VPS13B: variants seen among roughly 807,000 people sequenced by gnomAD.
The protein encoded by VPS13B is vacuolar protein sorting 13 homolog B.
Under a neutral mutation model 426.4 loss-of-function variants are expected in VPS13B, and 285 were observed. The ratio of observed to expected loss-of-function variants is 0.67; its 90% CI spans 0.61 to 0.74. The LOEUF (loss-of-function observed/expected upper bound fraction) is 0.74, where lower values mean the gene tolerates loss of function less well. Ranked by LOEUF, VPS13B falls within the 30% of genes least tolerant of loss-of-function variation. VPS13B has a pLI of 0.00. For synonymous variants in VPS13B, 1,676 were observed against 1,676.4 expected, an observed-to-expected ratio of 1.00 and a Z score of 0.01; for missense variants, 4,537 against 4,782.6, an observed-to-expected ratio of 0.95 and a Z score of 1.51.
chr8:99,403,600 A>G (rs1243332719), intron 21 of VPS13B, among the ~76,000 whole-genome samples: 1 of 152,016 alleles, frequency 6.6e-6, no homozygotes, highest in African/African-American at 2.4e-5. Flanking sequence ...TGACTGTCTT[A>G]AATCATGTGC....
rs141066626 is a variant in VPS13B, at chr8:99,861,699, G to A, written c.11045-77G>A. Reference sequence around the variant, plus strand: ...TCCAGGAGGGGCCACAGGTGCTCCCGCTGCCTCTGAAACTACTGCCTTGGG... The same window carrying A: ...TCCAGGAGGGGCCACAGGTGCTCCCACTGCCTCTGAAACTACTGCCTTGGG... On this transcript the variant is annotated intron_variant, in intron 57 of 61. Transcript: ENST00000357162. The A allele has an allele frequency of 5.3e-5, 82 of 1,541,696 alleles. 1 individual carries two copies. The African/African-American group carries it at 6.4e-4, about 12-fold the overall frequency.
At chr8:99,691,957 G>T (rs62534603) in intron 35 of VPS13B, among the ~76,000 whole-genome samples, 7 of 151,780 alleles carry the variant, frequency 4.6e-5, no homozygotes, top group South Asian at 2.1e-4. Context: ...GGCCATTACA[G>T]AATGGTAAAG....
At chr8:99,047,685 CCTTTT>C (rs1455644376) in intron 3 of VPS13B, among the ~76,000 whole-genome samples, 4 of 151,540 alleles carry the variant, frequency 2.6e-5, no homozygotes, top group Non-Finnish European at 4.4e-5. Context: ...TTCTTTCTTT[CCTTTT>C]CTTTTTTTTA....
chr8:99,725,904 G>A (rs1298244235), intron 39 of VPS13B, among the ~76,000 whole-genome samples: 1 of 152,134 alleles, frequency 6.6e-6, no homozygotes, highest in Non-Finnish European at 1.5e-5. Flanking sequence ...TAAATACAGA[G>A]ATATATTAAT....
intron 25 of VPS13B, among the ~76,000 whole-genome samples, chr8:99,489,561 T>A (rs1467072397): frequency 6.6e-6 from 1 of 152,222 alleles, no homozygotes. Context: ...CATTTGTTTG[T>A]GTCCTCTTTT....
intron 19 of VPS13B, among the ~76,000 whole-genome samples, chr8:99,378,442 A>T (rs1813617109): frequency 6.6e-6 from 1 of 152,182 alleles, no homozygotes; most frequent in Admixed American, 6.5e-5. Flanking sequence ...GCTTATGAAG[A>T]TGATGGGATT....
At chr8:99,664,444 T>C (rs977579022) in intron 35 of VPS13B, among the ~76,000 whole-genome samples, 1 of 151,990 alleles carries the variant, frequency 6.6e-6, no homozygotes. Context: ...ATTAGATATA[T>C]CTCCTAATGC....
At chr8:99,655,857 A>T (rs543092047) in intron 34 of VPS13B, among the ~76,000 whole-genome samples, 2 of 152,374 alleles carry the variant, frequency 1.3e-5, no homozygotes, top group South Asian at 2.1e-4. Flanking sequence ...ACTTAACTCT[A>T]TGAATGTTTG....
At chr8:99,056,083 AT>A (rs1843834800) in intron 3 of VPS13B, among the ~76,000 whole-genome samples, 1 of 150,078 alleles carries the variant, frequency 6.7e-6, no homozygotes, top group Non-Finnish European at 1.5e-5. Flanking sequence ...TTGAGACAGG[AT>A]TTTGCTCTGT....
intron 33 of VPS13B, among the ~76,000 whole-genome samples, chr8:99,621,952 C>T (rs969498172): frequency 6.6e-5 from 10 of 150,892 alleles, no homozygotes; most frequent in South Asian, 2.1e-4. Flanking sequence ...TCCTGTCTCA[C>T]GCTCCCGAGT....
intron 52 of VPS13B, among the ~76,000 whole-genome samples, chr8:99,833,829 A>G (rs954031362): frequency 3.3e-5 from 5 of 152,238 alleles, no homozygotes; most frequent in African/African-American, 9.6e-5. Context: ...ACCATACTTG[A>G]GTCCTGGCCC....
chr8:99,719,276 A>C (rs542133845), intron 37 of VPS13B, among the ~76,000 whole-genome samples: 2 of 152,360 alleles, frequency 1.3e-5, no homozygotes, highest in African/African-American at 4.8e-5. Context: ...AACAAAGTAC[A>C]GTGTATTACC....
chr8:99,553,240 C>G (rs956625031), intron 30 of VPS13B, among the ~76,000 whole-genome samples: 1 of 151,968 alleles, frequency 6.6e-6, no homozygotes, highest in Non-Finnish European at 1.5e-5. Flanking sequence ...TTCTGTTATT[C>G]TGTTATTGGT....
rs68156520 is a variant in VPS13B at position 99,832,259 on chromosome 8, CAAAAA to C, written c.9331-102_9331-98del. 5.4e-4 allele frequency: 626 copies of C among 1,161,920 alleles called. 3 individuals are homozygous for C. The highest frequency in any genetic ancestry group is 4.0e-3 in the Middle Eastern group (12 of 3,016). The allele number at this position is 1,161,920 out of a possible 1,614,324, so 72.0% of individuals were successfully genotyped here. A position where few individuals can be genotyped will look rare whatever the true frequency, so the allele number is the denominator to read the frequency against. On this transcript the variant is annotated intron_variant, in intron 51 of 61. Transcript: ENST00000357162. ...CCTGCGTGATGGAGTGAGACTGTCT[CAAAAA>C]AAAAAAAGAAAAGAAAAGAAGATAT... is the stretch of plus-strand genomic sequence containing the variant.
intron 61 of VPS13B, 132 bp downstream of exon 61, chr8:99,871,829 C>A (rs1484278842): frequency 1.3e-6 from 2 of 1,520,000 alleles, no homozygotes; most frequent in Non-Finnish European, 1.8e-6. Flanking sequence ...AGAGCTGCTA[C>A]CCAGAGGAGG....
chr8:99,490,765 T>A (rs1212480894), intron 25 of VPS13B, among the ~76,000 whole-genome samples: 1 of 152,148 alleles, frequency 6.6e-6, no homozygotes, highest in Non-Finnish European at 1.5e-5. Flanking sequence ...TATTATTTTT[T>A]ATTGTGTCTA....
At chr8:99,051,670 T>C (rs572737435) in intron 3 of VPS13B, among the ~76,000 whole-genome samples, 1 of 152,358 alleles carries the variant, frequency 6.6e-6, no homozygotes, top group Non-Finnish European at 1.5e-5. Context: ...GAGCATGCAA[T>C]GTTCTTCCAT....
At chr8:99,444,007 C>CTT (rs201151186) in intron 23 of VPS13B, among the ~76,000 whole-genome samples, 42 of 147,010 alleles carry the variant, frequency 2.9e-4, no homozygotes, top group East Asian at 1.4e-3. Context: ...TTTTTCTTTT[C>CTT]TTTTTTTTTT....
At position 99,658,523 on chromosome 8, in the gene VPS13B, ATTAT is replaced by A. The variant is rs570386895; in HGVS notation, c.5909-2811_5909-2808del. 5.4e-4 allele frequency among the ~76,000 whole-genome samples: 82 copies of A among 152,156 alleles called. No individual in the cohort carries two copies. In the South Asian group the frequency reaches 5.8e-3, roughly 11 times the overall value. ...TTGATTCTCTTAAACAATTATACAG[ATTAT>A]TTATTTATTTATTTATTTAAACATT... On this transcript the variant is annotated intron_variant, in intron 34 of 61. Transcript: ENST00000357162.
Sources: gnomAD v4.1 joint callset for allele counts (sites outside exome capture counted in the v4.1 genomes callset) on GRCh38, gnomAD v4.1.1 for gene constraint, MANE v1.5 for transcripts, NCBI Gene and HGNC (gene_info 2026-07-23, HGNC 2026-07-21) for gene names.